The following CFAP58 variants were observed in gnomAD, a reference collection of about 807,000 sequenced individuals.
CFAP58 encodes cilia and flagella associated protein 58, also known as cilia- and flagella-associated protein 58.
In CFAP58, 88 loss-of-function variants were observed where a neutral mutation model predicts 119.5. That is an observed-to-expected ratio of 0.74 (90% CI 0.62 to 0.88). CFAP58 has a LOEUF of 0.88. CFAP58 is among the 40% of genes least tolerant of loss of function. CFAP58 has a pLI of 0.00. For synonymous variants in CFAP58, 365 were observed against 366.3 expected (o/e 1.00, Z 0.04); for missense variants, 990 against 1,021.2 (o/e 0.97, Z 0.42).
intron 15 of CFAP58, among the ~76,000 whole-genome samples, chr10:104,423,383 G>C (rs1274255162): frequency 6.6e-6 from 1 of 152,060 alleles, no homozygotes; most frequent in African/African-American, 2.4e-5. Flanking sequence ...GATATTTATA[G>C]TTATTGAGCT....
intron 1 of CFAP58, among the ~76,000 whole-genome samples, chr10:104,355,806 A>G (rs2014536125): frequency 6.6e-6 from 1 of 152,254 alleles, no homozygotes; most frequent in South Asian, 2.1e-4. Context: ...GCTTTTAATG[A>G]CAATAGGAAC....
chr10:104,360,999 A>G (rs1286979853), intron 2 of CFAP58, among the ~76,000 whole-genome samples: 1 of 152,202 alleles, frequency 6.6e-6, no homozygotes, highest in African/African-American at 2.4e-5. Flanking sequence ...TATCACAAGG[A>G]CAGTACCAAG....
rs74157114 is a variant in CFAP58, at chr10:104,448,802, G to A, written c.2376+985G>A. Among the ~76,000 whole-genome samples the A allele has an allele frequency of 9.3e-3, 1,409 of 152,300 alleles. 25 individuals carry two copies. The highest frequency in any genetic ancestry group is 0.031 in the African/African-American group (1,296 of 41,570). ...ACATAATTTGAATTTTGCATAGGAC[G>A]TAATCTTTTGATTATTTTGTTCCTT... is the stretch of plus-strand genomic sequence containing the variant. On this transcript the variant is annotated intron_variant, in intron 16 of 17. Coordinates refer to ENST00000369704, the MANE Select transcript of CFAP58 (RefSeq NM_001008723.2).
chr10:104,357,483 C>T lies in CFAP58; in HGVS notation c.10-858C>T, dbSNP rs189534240. On this transcript the variant is annotated intron_variant, in intron 1 of 17. Coordinates refer to ENST00000369704, the MANE Select transcript of CFAP58 (RefSeq NM_001008723.2). ...CTTCCTATGTCTGGCCTCAACACAC[C>T]GTGGCCACCCCCCGCTGCCCTTTGC... is the stretch of plus-strand genomic sequence containing the variant. Among the ~76,000 whole-genome samples, 593 of 152,166 alleles carry T rather than the reference C, an allele frequency of 3.9e-3. 2 individuals carry two copies. Among genetic ancestry groups the T allele is most frequent in the South Asian group, 6.8e-3 (33 of 4,832 alleles).
intron 9 of CFAP58, among the ~76,000 whole-genome samples, chr10:104,388,710 C>A (rs1002916460): frequency 6.6e-6 from 1 of 152,186 alleles, no homozygotes; most frequent in African/African-American, 2.4e-5. Context: ...CAATGACCTA[C>A]TTTCTAATCC....
At chr10:104,342,147 G>A in the CFAP58 span, among the ~76,000 whole-genome samples, 2 of 152,156 alleles carry the variant, frequency 1.3e-5, no homozygotes, top group Admixed American at 6.6e-5. Context: ...CAAAGGATAT[G>A]TGCATTTACT....
rs11816078 is a variant in CFAP58 at position 104,364,467 on chromosome 10, C to T, written c.441-266C>T. Reference sequence around the variant, plus strand: ...ACACACACACACACACACACACACACACACTCTCACACGCATGAATAGACA... The same window carrying T: ...ACACACACACACACACACACACACATACACTCTCACACGCATGAATAGACA... On this transcript the variant is annotated intron_variant, in intron 3 of 17. Coordinates refer to ENST00000369704, the MANE Select transcript of CFAP58 (RefSeq NM_001008723.2). Among the ~76,000 whole-genome samples the T allele has an allele frequency of 7.1e-3, 1,084 of 151,682 alleles. 13 individuals carry two copies. Among genetic ancestry groups the T allele is most frequent in the African/African-American group, 0.025 (1,024 of 41,308 alleles).
chr10:104,358,321 T>A lies in CFAP58; in HGVS notation c.10-20T>A, dbSNP rs2014621624. On this transcript the variant is annotated intron_variant, in intron 1 of 17. Transcript: ENST00000369704. ...GTAAATGTTGCATTGCCCTTTCCCA[T>A]CCCTGCTTTTTTTCTATAGGAAAAG... 1 of 1,601,178 alleles carries A rather than the reference T, an allele frequency of 6.2e-7. No homozygotes were observed. The highest frequency in any genetic ancestry group is 8.5e-7 in the Non-Finnish European group (1 of 1,173,024).
chr10:104,364,918 T>G (rs1372413063), intron 4 of CFAP58, 29 bp downstream of exon 4: 1 of 1,598,936 alleles, frequency 6.3e-7, no homozygotes, highest in Non-Finnish European at 8.5e-7. Flanking sequence ...GAAGAAGGAA[T>G]ATTTCCTTCC....
intron 9 of CFAP58, 142 bp downstream of exon 9, chr10:104,380,362 C>A (rs2133012686): frequency 1.3e-6 from 1 of 785,988 alleles, no homozygotes; most frequent in East Asian, 2.7e-5. Context: ...ACGATGTGGA[C>A]AAAATATAAG....
chr10:104,407,323 C>G (rs1049392370), intron 15 of CFAP58, among the ~76,000 whole-genome samples: 4 of 152,202 alleles, frequency 2.6e-5, no homozygotes, highest in Non-Finnish European at 4.4e-5. Context: ...CCATCATCAT[C>G]ATCATCATCA....
chr10:104,348,443 A>G, the CFAP58 span, among the ~76,000 whole-genome samples: 7 of 152,216 alleles, frequency 4.6e-5, no homozygotes, highest in Admixed American at 6.5e-5. Flanking sequence ...AGGCGATTCT[A>G]TCCAGGTTTA....
intron 1 of CFAP58, 37 bp from the exon 2 acceptor site, chr10:104,358,304 T>G (rs750681363): frequency 6.3e-7 from 1 of 1,578,352 alleles, no homozygotes; most frequent in South Asian, 1.2e-5. Context: ...ATGTAAATGT[T>G]GCATTGCCCT....
At chr10:104,382,508 G>A in intron 9 of CFAP58, 1 of 318,432 alleles carries the variant, frequency 3.1e-6, no homozygotes, top group African/African-American at 2.1e-5. Flanking sequence ...CTCTCCCTGG[G>A]GCAGGGCTTC....
rs1233567396 is a variant in CFAP58 at position 104,358,343 on chromosome 10, A to G, written c.12A>G (p.Glu4=). 6.2e-7 allele frequency: 1 copy of G among 1,608,048 alleles called. No homozygotes were observed. The highest frequency in any genetic ancestry group is 2.2e-5 in the East Asian group (1 of 44,790). Residue 4 remains glutamate (E), a splice_region_variant and synonymous_variant, in exon 2 of 18, where the codon GAA becomes GAG. Coordinates refer to ENST00000369704, the MANE Select transcript of CFAP58 (RefSeq NM_001008723.2). The stretch of plus-strand genomic sequence containing the variant: ...CCATCCCTGCTTTTTTTCTATAGGA[A>G]AAGGGTGGAAAGCAAGTCCTGGAAG... MAE[E]KGGKQVLEES...
intron 10 of CFAP58, among the ~76,000 whole-genome samples, chr10:104,392,943 C>G (rs183653923): frequency 6.6e-6 from 1 of 152,240 alleles, no homozygotes; most frequent in African/African-American, 2.4e-5. Flanking sequence ...CCCCAGCTCT[C>G]TTTCTAATTT....
intron 9 of CFAP58, among the ~76,000 whole-genome samples, chr10:104,387,109 C>T (rs1337599874): frequency 6.6e-6 from 1 of 152,194 alleles, no homozygotes; most frequent in Non-Finnish European, 1.5e-5. Context: ...AACTGGATGG[C>T]TCAGAATCCC....
intron 15 of CFAP58, among the ~76,000 whole-genome samples, chr10:104,409,618 G>A (rs955964934): frequency 5.3e-5 from 8 of 151,750 alleles, no homozygotes; most frequent in East Asian, 3.9e-4. Context: ...GACATTTTTC[G>A]CTTTAAGAAC....
At position 104,383,134 on chromosome 10, in the gene CFAP58, T is replaced by A. The variant is rs187622864; in HGVS notation, c.1365+2914T>A. ...TGTTCTCTGTGGAAAGTTCTGTCCTTTCTCTGCATGGCACATTCCTATTCA... is the reference window on the plus strand; with the variant it reads ...TGTTCTCTGTGGAAAGTTCTGTCCTATCTCTGCATGGCACATTCCTATTCA... On this transcript the variant is annotated intron_variant, in intron 9 of 17. Transcript: ENST00000369704. 2.6e-5 allele frequency among the ~76,000 whole-genome samples: 4 copies of A among 152,328 alleles called. No homozygotes were observed. In the East Asian group the frequency reaches 7.7e-4, roughly 29 times the overall value.
Sources: allele counts gnomAD v4.1 joint callset (sites outside exome capture counted in the v4.1 genomes callset), GRCh38; gene constraint gnomAD v4.1.1; transcripts MANE v1.5; gene names NCBI Gene and HGNC (gene_info 2026-07-23, HGNC 2026-07-21).